Variants in USP34 observed in about 807,000 individuals in gnomAD.
USP34 encodes ubiquitin specific peptidase 34.
In USP34, 70 loss-of-function variants were observed where a neutral mutation model predicts 460.3. The observed-to-expected ratio is 0.15, with a 90% CI of 0.13 to 0.19. USP34 has a LOEUF of 0.19. USP34 is among the 10% of genes least tolerant of loss of function. USP34 has a pLI of 1.00. For missense variants in USP34, 3,985 were observed against 4,236.2 expected (o/e 0.94, Z 1.65); for synonymous variants, 1,647 against 1,405.3 (o/e 1.17, Z -3.85).
intron 5 of USP34, among the ~76,000 whole-genome samples, chr2:61,392,972 C>G (rs1041955791): frequency 6.6e-6 from 1 of 152,170 alleles, no homozygotes; most frequent in Non-Finnish European, 1.5e-5. Flanking sequence ...AACAGGATCA[C>G]TTAGGTATTT....
At position 61,416,821 on chromosome 2, in the gene USP34, T is replaced by TTGG. The variant is rs770675371; in HGVS notation, c.131+3924_131+3925insCCA. On this transcript the variant is annotated intron_variant, in intron 2 of 79. Coordinates refer to ENST00000398571, the MANE Select transcript of USP34 (RefSeq NM_014709.4). ...TTAACCTCCCTAATCTTTTTTTTTT[T>TTGG]GGGGGGGGGGACAGGAAGTAGAATG... 484 of 219,260 alleles carry TTGG rather than the reference T, an allele frequency of 2.2e-3. 1 individual carries two copies. The highest frequency in any genetic ancestry group is 2.7e-3 in the East Asian group (37 of 13,836). 13.6% of individuals were successfully genotyped at this position (219,260 alleles called of 1,614,324 possible). A position where few individuals can be genotyped will look rare whatever the true frequency, so the allele number is the denominator to read the frequency against.
intron 21 of USP34, among the ~76,000 whole-genome samples, chr2:61,324,222 C>T (rs1032777530): frequency 1.3e-5 from 2 of 152,182 alleles, no homozygotes; most frequent in South Asian, 2.1e-4. Flanking sequence ...AAGCTCGTTC[C>T]TCTCTTGTGA....
At chr2:61,416,756 T>C (rs1694205799) in intron 2 of USP34, 1 of 377,220 alleles carries the variant, frequency 2.7e-6, no homozygotes, top group African/African-American at 2.1e-5. Context: ...AATCATTAAA[T>C]TAATAAAATG....
intron 43 of USP34, among the ~76,000 whole-genome samples, chr2:61,262,130 T>TATATAGATAG (rs1349263790): frequency 1.1e-4 from 12 of 113,694 alleles, no homozygotes; most frequent in South Asian, 3.8e-4. Context: ...TATATATATA[T>TATATAGATAG]ATAGATAGAT....
rs762100951 is a variant in USP34 at position 61,284,669 on chromosome 2, AAC to A, written c.4832+204_4832+205del. Among the ~76,000 whole-genome samples the A allele has an allele frequency of 2.3e-4, 35 of 152,330 alleles. 1 individual carries two copies. Among genetic ancestry groups the A allele is most frequent in the Non-Finnish European group, 4.4e-4 (30 of 68,016 alleles). On this transcript the variant is annotated intron_variant, in intron 35 of 79. Transcript: ENST00000398571. Reference sequence around the variant, plus strand: ...CTCAGAAGATTCAGGAAAACATGTAAACACACAGAAAATACGTGACTCATAAA... The same window carrying A: ...CTCAGAAGATTCAGGAAAACATGTAAACACAGAAAATACGTGACTCATAAA...
chr2:61,283,118 A>G, intron 37 of USP34, 27 bp downstream of exon 37: 1 of 1,600,784 alleles, frequency 6.2e-7, no homozygotes, highest in Non-Finnish European at 8.5e-7. Flanking sequence ...AAAAAATAAC[A>G]GTACTAACCT....
At chr2:61,372,388 A>C (rs1487017232) in intron 8 of USP34, among the ~76,000 whole-genome samples, 1 of 152,194 alleles carries the variant, frequency 6.6e-6, no homozygotes, top group Non-Finnish European at 1.5e-5. Flanking sequence ...AACAAAATTC[A>C]TTTCTAAAAA....
chr2:61,255,328 T>TC (rs1688695698), intron 48 of USP34, among the ~76,000 whole-genome samples: 1 of 152,180 alleles, frequency 6.6e-6, no homozygotes, highest in Non-Finnish European at 1.5e-5. Context: ...AGTTACTAAC[T>TC]CCCAAATCTA....
intron 5 of USP34, among the ~76,000 whole-genome samples, 161 bp from the exon 6 acceptor site, chr2:61,383,497 G>GT (rs1026795762): frequency 6.6e-6 from 1 of 152,164 alleles, no homozygotes; most frequent in African/African-American, 2.4e-5. Context: ...AAGGTCAGGA[G>GT]TTTGAGATCA....
At chr2:61,247,999 C>G (rs1688465470) in intron 49 of USP34, among the ~76,000 whole-genome samples, 1 of 151,914 alleles carries the variant, frequency 6.6e-6, no homozygotes, top group African/African-American at 2.4e-5. Context: ...CCAACCTAGC[C>G]AACACGGCGA....
chr2:61,385,615 T>C (rs1693114745), intron 5 of USP34, among the ~76,000 whole-genome samples: 2 of 126,034 alleles, frequency 1.6e-5, no homozygotes, highest in African/African-American at 6.3e-5. Flanking sequence ...GAGCTTGCAG[T>C]GAGCCAAGAT....
chr2:61,244,313 G>A (rs1351462128), intron 51 of USP34, among the ~76,000 whole-genome samples: 1 of 152,060 alleles, frequency 6.6e-6, no homozygotes, highest in Non-Finnish European at 1.5e-5. Flanking sequence ...CAACCCAAAT[G>A]TCTTTTCAAT....
Position 61,331,261 on chromosome 2 carries a change from T to C in USP34, c.2930+15A>G, listed in dbSNP as rs775201976. On this transcript the variant is annotated intron_variant, in intron 20 of 79. Transcript: ENST00000398571. The stretch of plus-strand genomic sequence containing the variant: ...ATCGACACAAATGTATTTAACCCAG[T>C]TGAGAGGTACTTACAGTGCATGTTT... 1.4e-5 allele frequency: 23 copies of C among 1,594,968 alleles called. No homozygotes were observed. The highest frequency in any genetic ancestry group is 3.4e-5 in the Admixed American group (2 of 58,700).
intron 2 of USP34, among the ~76,000 whole-genome samples, chr2:61,409,551 T>C (rs1693978996): frequency 6.6e-6 from 1 of 151,938 alleles, no homozygotes; most frequent in Non-Finnish European, 1.5e-5. Flanking sequence ...CCATCTCTAC[T>C]AAAAATACAA....
intron 15 of USP34, 139 bp from the exon 16 acceptor site, chr2:61,344,168 A>G: frequency 1.3e-6 from 1 of 745,958 alleles, no homozygotes; most frequent in Non-Finnish European, 2.1e-6. Flanking sequence ...TGGAATGTTG[A>G]GAGCTTTACG....
At position 61,240,598 on chromosome 2, in the gene USP34, G is replaced by C. The variant is rs932248073; in HGVS notation, c.6777+962C>G. 2.0e-5 allele frequency among the ~76,000 whole-genome samples: 3 copies of C among 147,980 alleles called. No homozygotes were observed. In the East Asian group the frequency reaches 6.1e-4, roughly 30 times the overall value. ...CAGCCCATTTTTTTTTTTTGAGACA[G>C]AGTTTTGCTCTGTTGCCCAGGCTGA... On this transcript the variant is annotated intron_variant, in intron 53 of 79. Transcript: ENST00000398571.
chr2:61,294,037 C>G (rs1386037689), intron 32 of USP34, among the ~76,000 whole-genome samples: 1 of 151,434 alleles, frequency 6.6e-6, no homozygotes, highest in South Asian at 2.1e-4. Context: ...ATAAAACAAA[C>G]AAGAATTTAA....
Position 61,288,839 on chromosome 2 carries a change from T to A in USP34, c.4587A>T (p.Ile1529=), listed in dbSNP as rs772570914. ...LDCLACLLKL[I]CQFAVDPSDL... The stretch of plus-strand genomic sequence containing the variant: ...CGGATGGATCTACTGCAAACTGGCA[T>A]ATTAACTTCAGCAAGCAAGCAAGAC... Residue 1529 remains isoleucine, a synonymous_variant, in exon 34 of 80, where the codon ATA becomes ATT. Coordinates refer to ENST00000398571, the MANE Select transcript of USP34 (RefSeq NM_014709.4). 56 of 1,613,482 alleles carry A rather than the reference T, an allele frequency of 3.5e-5. No individual in the cohort carries two copies. The highest frequency in any genetic ancestry group is 4.7e-5 in the Non-Finnish European group (55 of 1,179,936).
Position 61,256,371 on chromosome 2 carries a change from TG to T in USP34, c.6221+12del. The T allele has an allele frequency of 6.2e-7, 1 of 1,600,450 alleles. No homozygotes were observed. Among genetic ancestry groups the T allele is most frequent in the Non-Finnish European group, 8.6e-7 (1 of 1,169,268 alleles). Reference sequence around the variant, plus strand: ...CGGTGAACATAATAAAAATCACATTTGAAAAAGCATACCTTTTTTCAGCTCG... The same window carrying T: ...CGGTGAACATAATAAAAATCACATTTAAAAAGCATACCTTTTTTCAGCTCG... On this transcript the variant is annotated intron_variant, in intron 48 of 79. Coordinates refer to ENST00000398571, the MANE Select transcript of USP34 (RefSeq NM_014709.4).
Sources: gnomAD v4.1 joint callset for allele counts (sites outside exome capture counted in the v4.1 genomes callset) on GRCh38, gnomAD v4.1.1 for gene constraint, MANE v1.5 for transcripts, NCBI Gene and HGNC (gene_info 2026-07-23, HGNC 2026-07-21) for gene names.